Variants in ADGRL2 observed in about 807,000 individuals in gnomAD.
ADGRL2 encodes the protein adhesion G protein-coupled receptor L2.
In ADGRL2, 44 loss-of-function variants were observed where a neutral mutation model predicts 157.4. The observed-to-expected ratio is 0.28, with a 90% confidence interval of 0.22 to 0.36. ADGRL2 has a LOEUF of 0.36. ADGRL2 is among the 10% of genes least tolerant of loss of function. The pLI, the probability that ADGRL2 is intolerant of heterozygous loss-of-function variation, is 1.00. For synonymous variants in ADGRL2, 585 were observed against 624.7 expected, an observed-to-expected ratio of 0.94 and a Z score of 0.95; for missense variants, 1,510 against 1,768.9, an observed-to-expected ratio of 0.85 and a Z score of 2.63.
chr1:81,336,612 A>T (rs796827496), intron 1 of ADGRL2, among the ~76,000 whole-genome samples: 5 of 152,274 alleles, frequency 3.3e-5, no homozygotes, highest in African/African-American at 1.2e-4. Flanking sequence ...TCTAGTTGAT[A>T]CCATAATCCA....
At chr1:81,843,850 G>A (rs1050683651) in intron 2 of ADGRL2, among the ~76,000 whole-genome samples, 3 of 152,014 alleles carry the variant, frequency 2.0e-5, no homozygotes, top group Non-Finnish European at 4.4e-5. Context: ...CTTGATTGTC[G>A]ATTTTTTTTT....
At chr1:81,525,992 G>A (rs1216250253) in intron 2 of ADGRL2, among the ~76,000 whole-genome samples, 1 of 152,096 alleles carries the variant, frequency 6.6e-6, no homozygotes, top group African/African-American at 2.4e-5. Context: ...TCATCTTGGT[G>A]CACAACCCAT....
At chr1:81,419,419 G>T (rs1255661114) in intron 1 of ADGRL2, among the ~76,000 whole-genome samples, 1 of 152,144 alleles carries the variant, frequency 6.6e-6, no homozygotes, top group Non-Finnish European at 1.5e-5. Flanking sequence ...TGTTGCCCAG[G>T]CTGGTCTCGA....
chr1:81,383,478 AAAC>A (rs908807718), intron 1 of ADGRL2, among the ~76,000 whole-genome samples: 6 of 152,126 alleles, frequency 3.9e-5, no homozygotes, highest in South Asian at 2.1e-4. Flanking sequence ...CTCTTTACTT[AAAC>A]AACAACAAAA....
chr1:81,969,465 T>G, intron 15 of ADGRL2, 78 bp downstream of exon 15: 1 of 915,366 alleles, frequency 1.1e-6, no homozygotes, highest in Non-Finnish European at 1.7e-6. Context: ...ATGATACTGA[T>G]ATTAATGTTT....
chr1:81,650,966 A>G (rs1289525576), intron 3 of ADGRL2, among the ~76,000 whole-genome samples: 2 of 152,182 alleles, frequency 1.3e-5, no homozygotes, highest in Admixed American at 6.5e-5. Context: ...ATGTTTCCCA[A>G]GAAGTGCTTC....
At chr1:81,747,000 G>A (rs140635980) in intron 1 of ADGRL2, among the ~76,000 whole-genome samples, 96 of 129,804 alleles carry the variant, frequency 7.4e-4, no homozygotes, top group African/African-American at 2.3e-3. Flanking sequence ...ACGTATATAC[G>A]TGTATACACA....
At chr1:81,478,482 T>C (rs1355351082) in intron 2 of ADGRL2, among the ~76,000 whole-genome samples, 1 of 152,210 alleles carries the variant, frequency 6.6e-6, no homozygotes, top group Non-Finnish European at 1.5e-5. Flanking sequence ...TCGAGACATG[T>C]GGTGCTTGCT....
At chr1:81,426,422 G>A in intron 1 of ADGRL2, 1 of 362,656 alleles carries the variant, frequency 2.8e-6, no homozygotes, top group Non-Finnish European at 5.3e-6. Flanking sequence ...AGTAGATAGT[G>A]AACTCGAGTC....
chr1:81,811,523 C>A (rs1486812800), intron 1 of ADGRL2, among the ~76,000 whole-genome samples: 2 of 151,424 alleles, frequency 1.3e-5, no homozygotes, highest in African/African-American at 4.8e-5. Flanking sequence ...CTGTTTTTTG[C>A]TCCCTTGGCA....
chr1:81,734,078 A>G (rs1342969989), intron 1 of ADGRL2, among the ~76,000 whole-genome samples: 5 of 152,172 alleles, frequency 3.3e-5, no homozygotes, highest in African/African-American at 1.2e-4. Flanking sequence ...GGAGTTCGAG[A>G]CCAGACTAAC....
At chr1:81,919,115 T>G (rs1196053468) in intron 3 of ADGRL2, among the ~76,000 whole-genome samples, 1 of 152,276 alleles carries the variant, frequency 6.6e-6, no homozygotes, top group South Asian at 2.1e-4. Flanking sequence ...TCATTGTATC[T>G]TTAGATATCT....
chr1:81,700,737 T>C (rs1359632741), intron 1 of ADGRL2, among the ~76,000 whole-genome samples: 1 of 152,192 alleles, frequency 6.6e-6, no homozygotes, highest in Non-Finnish European at 1.5e-5. Flanking sequence ...AGGAAAAGCA[T>C]AAGAACACCC....
intron 1 of ADGRL2, among the ~76,000 whole-genome samples, chr1:81,311,318 C>A (rs1029347124): frequency 6.6e-6 from 1 of 152,088 alleles, no homozygotes; most frequent in African/African-American, 2.4e-5. Context: ...TAATCAAGTG[C>A]CCTTTCTGTA....
chr1:81,927,955 T>C (rs1216536908), intron 3 of ADGRL2, among the ~76,000 whole-genome samples: 2 of 152,084 alleles, frequency 1.3e-5, no homozygotes, highest in African/African-American at 4.8e-5. Context: ...AGATTTGATT[T>C]AACATTCAAC....
At chr1:81,717,330 C>T (rs910277253) in intron 1 of ADGRL2, among the ~76,000 whole-genome samples, 1 of 152,162 alleles carries the variant, frequency 6.6e-6, no homozygotes, top group Non-Finnish European at 1.5e-5. Context: ...GCATGGCTCC[C>T]AAAAGGCCAA....
chr1:81,775,507 T>A (rs1352489220), intron 2 of ADGRL2, among the ~76,000 whole-genome samples: 4 of 151,860 alleles, frequency 2.6e-5, no homozygotes, highest in African/African-American at 9.7e-5. Flanking sequence ...CCAAACATTA[T>A]ATAATCTGGG....
At chr1:81,633,254 C>T (rs2082048147) in intron 3 of ADGRL2, among the ~76,000 whole-genome samples, 1 of 152,126 alleles carries the variant, frequency 6.6e-6, no homozygotes, top group South Asian at 2.1e-4. Flanking sequence ...ATATCTCACA[C>T]ATCCCATCTG....
intron 11 of ADGRL2, among the ~76,000 whole-genome samples, chr1:81,957,069 A>G (rs1009240798): frequency 1.3e-5 from 2 of 152,114 alleles, no homozygotes; most frequent in African/African-American, 4.8e-5. Flanking sequence ...AAGAAATGAA[A>G]TATTTTAAAA....
Sources: allele counts gnomAD v4.1 joint callset (sites outside exome capture counted in the v4.1 genomes callset), GRCh38; gene constraint gnomAD v4.1.1; transcripts MANE v1.5; gene names NCBI Gene and HGNC (gene_info 2026-07-23, HGNC 2026-07-21).